The following IFT122 variants were observed in gnomAD, a reference collection of about 807,000 sequenced individuals.
IFT122 encodes intraflagellar transport 122.
A neutral mutation model predicts 161.6 loss-of-function variants in IFT122; 118 were observed. That is an observed-to-expected ratio of 0.73 (90% confidence interval 0.63 to 0.85). The LOEUF is 0.85. IFT122 is among the 40% of genes least tolerant of loss of function. IFT122 has a pLI of 0.00. For synonymous variants in IFT122, 550 were observed against 602.4 expected (o/e 0.91, Z 1.27); for missense variants, 1,381 against 1,579.6 (o/e 0.87, Z 2.13).
At chr3:129,507,644 C>A in intron 22 of IFT122, 24 bp from the exon 23 acceptor site, 1 of 1,600,844 alleles carries the variant, frequency 6.2e-7, no homozygotes, top group South Asian at 1.1e-5. Context: ...ACACGTTTCC[C>A]CTCCCACCCG....
chr3:129,454,516 TGTGTGTGTGTGTG>T (rs1559850287), intron 3 of IFT122, among the ~76,000 whole-genome samples: 7 of 125,470 alleles, frequency 5.6e-5, no homozygotes, highest in African/African-American at 2.0e-4. Context: ...GTCATATTTG[TGTGTGTGTGTGTG>T]TGTGTGTGTG....
chr3:129,461,163 TC>T, intron 4 of IFT122, 64 bp from the exon 5 acceptor site: 1 of 1,325,360 alleles, frequency 7.5e-7, no homozygotes, highest in Non-Finnish European at 1.1e-6. Context: ...ATTAAAATCT[TC>T]AGTTGTAGCC....
At chr3:129,492,317 T>C (rs2080226084) in intron 17 of IFT122, 123 bp downstream of exon 17, 1 of 825,360 alleles carries the variant, frequency 1.2e-6, no homozygotes, top group Non-Finnish European at 2.1e-6. Context: ...CGTCTGGGCA[T>C]CTGGGCCACA....
intron 1 of IFT122, among the ~76,000 whole-genome samples, chr3:129,443,240 G>T (rs558477183): frequency 6.6e-6 from 1 of 152,364 alleles, no homozygotes; most frequent in South Asian, 2.1e-4. Context: ...TGGGTCAGAT[G>T]ATGCAGGAAT....
intron 17 of IFT122, among the ~76,000 whole-genome samples, chr3:129,495,084 C>T (rs890465652): frequency 1.2e-4 from 18 of 152,192 alleles, no homozygotes; most frequent in African/African-American, 1.9e-4. Context: ...CTCTGCCAAA[C>T]GGGGCCTGCG....
intron 25 of IFT122, chr3:129,515,105 T>C (rs1291779505): frequency 1.3e-5 from 5 of 398,722 alleles, no homozygotes; most frequent in Non-Finnish European, 2.4e-5. Context: ...GCACCTTGGG[T>C]TCCCCCTTTC....
intron 3 of IFT122, 68 bp from the exon 4 acceptor site, chr3:129,458,531 A>G (rs1275383267): frequency 1.5e-6 from 2 of 1,362,050 alleles, no homozygotes; most frequent in Non-Finnish European, 2.1e-6. Context: ...TAGTTTTCTA[A>G]AGAATTCTCT....
At position 129,509,316 on chromosome 3, in the gene IFT122, G is replaced by A. The variant is rs934891148; in HGVS notation, c.2886+1554G>A. ...TAGAATGGTTGACATTGAGTTCTTC[G>A]GCAACTTCTCCTGTAGTTGTGAGAG... On this transcript the variant is annotated intron_variant, in intron 23 of 29. Coordinates refer to ENST00000348417, the MANE Select transcript of IFT122 (RefSeq NM_052989.3). Among the ~76,000 whole-genome samples the A allele has an allele frequency of 2.0e-5, 3 of 150,112 alleles. No individual in the cohort carries two copies. In the Admixed American group the frequency reaches 2.0e-4, roughly 10 times the overall value.
At chr3:129,493,912 C>G (rs796257627) in intron 17 of IFT122, among the ~76,000 whole-genome samples, 20 of 152,282 alleles carry the variant, frequency 1.3e-4, no homozygotes, top group African/African-American at 4.3e-4. Flanking sequence ...AAGTAAACTC[C>G]TAAGATTGTC....
At chr3:129,509,662 A>G (rs2082578798) in intron 23 of IFT122, among the ~76,000 whole-genome samples, 1 of 152,248 alleles carries the variant, frequency 6.6e-6, no homozygotes. Flanking sequence ...GAAATGATGT[A>G]TAACATAACC....
intron 4 of IFT122, among the ~76,000 whole-genome samples, chr3:129,460,174 C>T (rs946802412): frequency 2.0e-5 from 3 of 152,114 alleles, no homozygotes; most frequent in African/African-American, 7.2e-5. Context: ...CTCTTTTATC[C>T]TGCTAAACTA....
Position 129,468,716 on chromosome 3 carries a change from G to A in IFT122, c.741-626G>A, listed in dbSNP as rs1302475380. ...GGCAAGGGAGTTTCTCCTGTGTGCT[G>A]GTCCTACAGTCCCAGCCCCACAGCA... On this transcript the variant is annotated intron_variant, in intron 8 of 29. Coordinates refer to ENST00000348417, the MANE Select transcript of IFT122 (RefSeq NM_052989.3). 2.6e-5 allele frequency among the ~76,000 whole-genome samples: 4 copies of A among 152,298 alleles called. No homozygotes were observed. The East Asian group carries it at 7.7e-4, about 29-fold the overall frequency.
chr3:129,490,956 C>T lies in IFT122; in HGVS notation c.1993-1185C>T, dbSNP rs1216279858. Among the ~76,000 whole-genome samples, 16 of 152,282 alleles carry T rather than the reference C, an allele frequency of 1.1e-4. 1 individual carries two copies. The South Asian group carries it at 2.9e-3, about 28-fold the overall frequency. On this transcript the variant is annotated intron_variant, in intron 16 of 29. Coordinates refer to ENST00000348417, the MANE Select transcript of IFT122 (RefSeq NM_052989.3). ...CCTGCTCATGCTCAGACCATTCATCCGTGTTCTCCAGGCATGTGGTTCGTA... is the reference window on the plus strand; with the variant it reads ...CCTGCTCATGCTCAGACCATTCATCTGTGTTCTCCAGGCATGTGGTTCGTA...
At chr3:129,504,169 C>G in intron 20 of IFT122, 150 bp from the exon 21 acceptor site, 1 of 656,504 alleles carries the variant, frequency 1.5e-6, no homozygotes, top group Non-Finnish European at 2.7e-6. Flanking sequence ...TTTTGCATTT[C>G]TGTGGGTAGT....
chr3:129,490,291 C>A (rs1214779508), intron 16 of IFT122, among the ~76,000 whole-genome samples: 2 of 152,158 alleles, frequency 1.3e-5, no homozygotes, highest in Non-Finnish European at 2.9e-5. Context: ...CCCGAGTACC[C>A]CACCTCTTTA....
chr3:129,472,352 G>T (rs1211777633), intron 9 of IFT122, among the ~76,000 whole-genome samples: 1 of 151,546 alleles, frequency 6.6e-6, no homozygotes, highest in Admixed American at 6.6e-5. Flanking sequence ...TTTTGGTAGA[G>T]ATAGGGTCTC....
rs140263598 is a variant in IFT122, at chr3:129,518,908, G to A, written c.3392-199G>A. 1.8e-3 allele frequency among the ~76,000 whole-genome samples: 271 copies of A among 152,354 alleles called. 2 individuals carry two copies. The highest frequency in any genetic ancestry group is 6.9e-3 in the East Asian group (36 of 5,186). On this transcript the variant is annotated intron_variant, in intron 27 of 29. Coordinates refer to ENST00000348417, the MANE Select transcript of IFT122 (RefSeq NM_052989.3). ...GGGAGCTATGGTGTGTGTGGCCTGC[G>A]AGGGGAATGGGTGAGGGCAGCAGGG...
chr3:129,492,231 T>A, intron 17 of IFT122, 37 bp downstream of exon 17: 1 of 1,516,056 alleles, frequency 6.6e-7, no homozygotes, highest in Non-Finnish European at 9.2e-7. Flanking sequence ...CAAGAAGGCA[T>A]ACTTGGGGTT....
intron 4 of IFT122, chr3:129,460,750 A>G: frequency 1.1e-6 from 1 of 891,434 alleles, no homozygotes; most frequent in Non-Finnish European, 1.9e-6. Flanking sequence ...AGTTGTAAGT[A>G]AAGTATTACC....
Sources: allele counts gnomAD v4.1 joint callset (sites outside exome capture counted in the v4.1 genomes callset), GRCh38; gene constraint gnomAD v4.1.1; transcripts MANE v1.5; gene names NCBI Gene and HGNC (gene_info 2026-07-23, HGNC 2026-07-21).